Variants in MAP3K2 observed in about 807,000 individuals in gnomAD.
MAP3K2 encodes mitogen-activated protein kinase kinase kinase 2, also known as MAP/ERK kinase kinase 2.
Under a neutral mutation model 80.3 loss-of-function variants are expected in MAP3K2, and 24 were observed. The ratio of observed to expected loss-of-function variants is 0.30; its 90% CI spans 0.22 to 0.42. The LOEUF is 0.42. Among genes scored for constraint, MAP3K2 ranks in the 10% least tolerant of loss-of-function variants. The pLI is 1.00. For missense variants in MAP3K2, 608 were observed against 750.1 expected (o/e 0.81, Z 2.21); for synonymous variants, 244 against 253.7 (o/e 0.96, Z 0.36).
chr2:127,378,610 G>C (rs1408748141), intron 1 of MAP3K2, among the ~76,000 whole-genome samples: 1 of 152,100 alleles, frequency 6.6e-6, no homozygotes, highest in Non-Finnish European at 1.5e-5. Context: ...AAATGAACCT[G>C]AATTTTAGAA....
chr2:127,388,237 C>T (rs374358126), upstream of MAP3K2: 459 of 864,364 alleles, frequency 5.3e-4, 3 homozygotes, highest in African/African-American at 8.0e-3. Context: ...GTGTGCGCGG[C>T]GCATACGCAC....
intron 16 of MAP3K2, among the ~76,000 whole-genome samples, chr2:127,308,321 T>G (rs1573975396): frequency 6.6e-6 from 1 of 152,258 alleles, no homozygotes; most frequent in Non-Finnish European, 1.5e-5. Flanking sequence ...TATTTACTTC[T>G]GTAATAGCAA....
chr2:127,311,651 C>A (rs79371572), intron 15 of MAP3K2, among the ~76,000 whole-genome samples: 49 of 152,296 alleles, frequency 3.2e-4, no homozygotes, highest in Admixed American at 8.5e-4. Context: ...CCTCCCCTCT[C>A]TAGGATTTGA....
At chr2:127,325,237 G>A (rs1686108820) in intron 9 of MAP3K2, among the ~76,000 whole-genome samples, 1 of 152,138 alleles carries the variant, frequency 6.6e-6, no homozygotes, top group African/African-American at 2.4e-5. Flanking sequence ...GTCCCATGAG[G>A]TAAAGGGATT....
intron 11 of MAP3K2, among the ~76,000 whole-genome samples, chr2:127,323,664 G>T (rs1450890901): frequency 6.6e-6 from 1 of 152,172 alleles, no homozygotes; most frequent in Non-Finnish European, 1.5e-5. Context: ...CAGCACTCCC[G>T]CCTGGGCAAC....
chr2:127,337,797 T>G lies in MAP3K2; in HGVS notation c.124-19A>C. Reference sequence around the variant, plus strand: ...CATCATTCTGTAATGAAATGACAAATCAGTCTTTCAGAGATTAGACAGATC... The same window carrying G: ...CATCATTCTGTAATGAAATGACAAAGCAGTCTTTCAGAGATTAGACAGATC... On this transcript the variant is annotated intron_variant, in intron 3 of 16. Coordinates refer to ENST00000682094, the MANE Select transcript of MAP3K2 (RefSeq NM_001371910.2). 1.4e-6 allele frequency: 2 copies of G among 1,451,520 alleles called. No homozygotes were observed. The highest frequency in any genetic ancestry group is 1.9e-6 in the Non-Finnish European group (2 of 1,065,488). The allele number at this position is 1,451,520 out of a possible 1,614,324, so 89.9% of individuals were successfully genotyped here. A position where few individuals can be genotyped will look rare whatever the true frequency, so the allele number is the denominator to read the frequency against.
chr2:127,329,507 C>A (rs1158776945), intron 7 of MAP3K2, among the ~76,000 whole-genome samples: 3 of 152,154 alleles, frequency 2.0e-5, no homozygotes, highest in Admixed American at 2.0e-4. Flanking sequence ...CAGGCATGCA[C>A]CACCACGCCC....
intron 14 of MAP3K2, among the ~76,000 whole-genome samples, chr2:127,316,573 A>G (rs1367458308): frequency 2.0e-5 from 3 of 152,330 alleles, no homozygotes; most frequent in African/African-American, 7.2e-5. Flanking sequence ...GGATGGCTGA[A>G]AAGGAACAGG....
chr2:127,313,756 A>C (rs989338979), intron 15 of MAP3K2, among the ~76,000 whole-genome samples: 2 of 152,190 alleles, frequency 1.3e-5, no homozygotes, highest in African/African-American at 4.8e-5. Context: ...GGTATAGCCT[A>C]CTACACACCT....
chr2:127,327,508 C>A (rs1255470400), intron 7 of MAP3K2, among the ~76,000 whole-genome samples: 1 of 151,732 alleles, frequency 6.6e-6, no homozygotes, highest in African/African-American at 2.4e-5. Flanking sequence ...TTTATTCCTT[C>A]CATATACCCG....
intron 4 of MAP3K2, among the ~76,000 whole-genome samples, chr2:127,336,342 T>G (rs537192182): frequency 4.1e-4 from 63 of 152,326 alleles, no homozygotes; most frequent in African/African-American, 1.2e-3. Context: ...TTAAAAAGAA[T>G]AAAGTTGTTC....
intron 1 of MAP3K2, among the ~76,000 whole-genome samples, chr2:127,381,939 T>C (rs920621803): frequency 6.6e-6 from 1 of 151,788 alleles, no homozygotes; most frequent in Non-Finnish European, 1.5e-5. Flanking sequence ...GGGTGGAATC[T>C]GACAAATCGA....
At chr2:127,340,593 G>A (rs993155447) in intron 2 of MAP3K2, among the ~76,000 whole-genome samples, 1 of 151,762 alleles carries the variant, frequency 6.6e-6, no homozygotes, top group Non-Finnish European at 1.5e-5. Flanking sequence ...GGAGGCAGAG[G>A]TTGCAGCGAG....
chr2:127,344,606 G>A lies in MAP3K2; in HGVS notation c.-65-1412C>T, dbSNP rs1016831396. On this transcript the variant is annotated intron_variant, in intron 1 of 16. Coordinates refer to ENST00000682094, the MANE Select transcript of MAP3K2 (RefSeq NM_001371910.2). ...GACTGCTTGAGCCAGGGAGGTCAAC[G>A]CTGCAGTGAACTATGATTGTACTCC... Among the ~76,000 whole-genome samples, 9 of 152,130 alleles carry A rather than the reference G, an allele frequency of 5.9e-5. No homozygotes were observed. In the East Asian group the frequency reaches 1.2e-3, roughly 20 times the overall value.
intron 14 of MAP3K2, chr2:127,316,998 A>C (rs1334591637): frequency 6.6e-6 from 1 of 152,172 alleles, no homozygotes; most frequent in Non-Finnish European, 1.5e-5. Context: ...AAAAAATTTA[A>C]AACAAAAAAA....
chr2:127,327,980 T>C (rs537592049), intron 7 of MAP3K2, among the ~76,000 whole-genome samples: 21 of 152,326 alleles, frequency 1.4e-4, no homozygotes, highest in African/African-American at 4.6e-4. Flanking sequence ...CTAATGCAAC[T>C]AAAGTGAATT....
At chr2:127,360,364 G>A (rs1249920752) in intron 1 of MAP3K2, among the ~76,000 whole-genome samples, 1 of 147,652 alleles carries the variant, frequency 6.8e-6, no homozygotes, top group Non-Finnish European at 1.5e-5. Context: ...GTAGATCACT[G>A]GTTTAAAAAA....
intron 1 of MAP3K2, among the ~76,000 whole-genome samples, chr2:127,381,361 G>A (rs72956479): frequency 0.1 from 15,269 of 152,228 alleles, 1,109 homozygotes; most frequent in African/African-American, 0.21. Context: ...CACTTCTTAA[G>A]AGTACAGAAG....
intron 3 of MAP3K2, 88 bp downstream of exon 3, chr2:127,338,844 A>AC: frequency 1.1e-6 from 1 of 875,630 alleles, no homozygotes; most frequent in Non-Finnish European, 1.8e-6. Context: ...TCGAAAGTGT[A>AC]AAAGCTGAAC....
Sources: gnomAD v4.1 joint callset for allele counts (sites outside exome capture counted in the v4.1 genomes callset) on GRCh38, gnomAD v4.1.1 for gene constraint, MANE v1.5 for transcripts, NCBI Gene and HGNC (gene_info 2026-07-23, HGNC 2026-07-21) for gene names.